The following DNAH14 variants were observed in gnomAD, a reference collection of about 807,000 sequenced individuals.
DNAH14 encodes the protein dynein axonemal heavy chain 14.
A neutral mutation model predicts 520.9 loss-of-function variants in DNAH14; 478 were observed. The ratio of observed to expected loss-of-function variants is 0.92; its 90% CI spans 0.85 to 0.99. The LOEUF is 0.99. Ranked by LOEUF, DNAH14 falls within the 50% of genes least tolerant of loss-of-function variation. The pLI, the probability that DNAH14 is intolerant of heterozygous loss-of-function variation, is 0.00. For synonymous variants in DNAH14, 1,581 were observed against 1,757.2 expected, an observed-to-expected ratio of 0.90 and a Z score of 2.51; for missense variants, 4,831 against 5,234.5, an observed-to-expected ratio of 0.92 and a Z score of 2.38.
At chr1:225,291,740 A>G (rs2093896911) in intron 55 of DNAH14, among the ~76,000 whole-genome samples, 1 of 151,866 alleles carries the variant, frequency 6.6e-6, no homozygotes, top group Admixed American at 6.6e-5. Flanking sequence ...ATCATTTGCT[A>G]TTTTTTGTCT....
In DNAH14 at chr1:225,207,051, T is replaced by C; in HGVS notation, c.6270T>C (p.Asp2090=). The C allele has an allele frequency of 6.5e-7, 1 of 1,550,320 alleles. No homozygotes were observed. The highest frequency in any genetic ancestry group is 1.2e-5 in the South Asian group (1 of 83,692). The change falls in exon 41 of 86, where the codon GAT becomes GAC. Residue 2090 remains aspartate, a synonymous_variant. Transcript: ENST00000682510. The part of the protein sequence containing the change: ...TSKIISQSGV[D]CLEFMIKNSV... Reference sequence around the variant, plus strand: ...AAATTATAAGTCAATCAGGAGTGGATTGTCTTGAATTCATGATTAAAAATA... The same window carrying C: ...AAATTATAAGTCAATCAGGAGTGGACTGTCTTGAATTCATGATTAAAAATA...
At position 225,266,520 on chromosome 1, in the gene DNAH14, T is replaced by C. The variant is rs2093125487; in HGVS notation, c.7411-121T>C. The C allele has an allele frequency of 5.0e-6, 3 of 600,722 alleles. No individual in the cohort carries two copies. In the East Asian group the frequency reaches 1.1e-4, roughly 21 times the overall value. 37.2% of individuals were successfully genotyped at this position (600,722 alleles called of 1,614,324 possible). ...TCAGACATGTTATTACATATGATTTTGTGCTTACTCCATAGCATAATATTC... is the reference window on the plus strand; with the variant it reads ...TCAGACATGTTATTACATATGATTTCGTGCTTACTCCATAGCATAATATTC... On this transcript the variant is annotated intron_variant, in intron 48 of 85. Coordinates refer to ENST00000682510, the MANE Select transcript of DNAH14 (RefSeq NM_001367479.1).
At chr1:225,132,576 C>T (rs2078538193) in intron 27 of DNAH14, among the ~76,000 whole-genome samples, 1 of 152,138 alleles carries the variant, frequency 6.6e-6, no homozygotes, top group African/African-American at 2.4e-5. Context: ...TTGTAGTATT[C>T]CATGATGTAT....
intron 41 of DNAH14, among the ~76,000 whole-genome samples, chr1:225,212,827 G>T (rs2088645996): frequency 6.6e-6 from 1 of 152,160 alleles, no homozygotes; most frequent in South Asian, 2.1e-4. Flanking sequence ...CAGAAGGGTA[G>T]ATTGTAAAAA....
At chr1:225,248,741 A>G (rs75179799) in intron 43 of DNAH14, among the ~76,000 whole-genome samples, 1 of 152,182 alleles carries the variant, frequency 6.6e-6, no homozygotes, top group Non-Finnish European at 1.5e-5. Context: ...AGGATCTGCA[A>G]TGACATAACA....
rs150776097 is a variant in DNAH14 at position 225,152,516 on chromosome 1, A to T, written c.5010-181A>T. On this transcript the variant is annotated intron_variant, in intron 32 of 85. Coordinates refer to ENST00000682510, the MANE Select transcript of DNAH14 (RefSeq NM_001367479.1). ...TTGTGGGAGGAGGAACAGGAAGAAA[A>T]TATGATAAACCAGGAAGCTCTGTAA... Among the ~76,000 whole-genome samples, 46 of 152,306 alleles carry T rather than the reference A, an allele frequency of 3.0e-4. No homozygotes were observed. The East Asian group carries it at 3.7e-3, about 12-fold the overall frequency.
intron 36 of DNAH14, among the ~76,000 whole-genome samples, chr1:225,174,409 T>C (rs1458501672): frequency 6.6e-6 from 1 of 152,168 alleles, no homozygotes; most frequent in Non-Finnish European, 1.5e-5. Context: ...TCTTTCACCT[T>C]CTAGGTATTT....
In DNAH14 at chr1:225,001,213, A is replaced by G. The variant is rs561814586; in HGVS notation, c.831-1570A>G. On this transcript the variant is annotated intron_variant, in intron 8 of 85. Coordinates refer to ENST00000682510, the MANE Select transcript of DNAH14 (RefSeq NM_001367479.1). ...AAGGAAACCCAGGGAACTTACCACC[A>G]TGTCATTTCTAGCCACCTTGCTTTT... 5.3e-5 allele frequency among the ~76,000 whole-genome samples: 8 copies of G among 151,972 alleles called. No individual in the cohort carries two copies. In the South Asian group the frequency reaches 6.2e-4, roughly 12 times the overall value.
chr1:224,985,515 G>A (rs59263273), intron 8 of DNAH14, among the ~76,000 whole-genome samples: 1,722 of 152,188 alleles, frequency 0.011, 21 homozygotes, highest in African/African-American at 0.039. Flanking sequence ...ATGGTGCAGT[G>A]TATACTGCTC....
At chr1:225,261,537 G>A (rs1350099611) in intron 46 of DNAH14, among the ~76,000 whole-genome samples, 1 of 151,882 alleles carries the variant, frequency 6.6e-6, no homozygotes, top group Non-Finnish European at 1.5e-5. Context: ...TATTGAATTT[G>A]GTTTTATTAG....
chr1:225,176,871 C>T (rs2083394538), intron 36 of DNAH14, among the ~76,000 whole-genome samples: 2 of 152,288 alleles, frequency 1.3e-5, no homozygotes, highest in Middle Eastern at 3.4e-3. Context: ...ATGTCTCTAT[C>T]AGCAGTATGA....
At chr1:224,998,633 A>T (rs767093514) in intron 8 of DNAH14, among the ~76,000 whole-genome samples, 3 of 150,806 alleles carry the variant, frequency 2.0e-5, no homozygotes, top group Non-Finnish European at 2.9e-5. Flanking sequence ...TTTGATTTTT[A>T]AAAAATGTGT....
chr1:225,337,016 T>C (rs2095071383), intron 66 of DNAH14, among the ~76,000 whole-genome samples: 1 of 152,222 alleles, frequency 6.6e-6, no homozygotes, highest in Non-Finnish European at 1.5e-5. Flanking sequence ...TTGTGTCCCC[T>C]ATGGCATCTT....
chr1:224,955,715 C>T (rs1043898806), intron 3 of DNAH14, among the ~76,000 whole-genome samples: 5 of 152,144 alleles, frequency 3.3e-5, no homozygotes, highest in Non-Finnish European at 5.9e-5. Flanking sequence ...TCTGGAGCTC[C>T]GCTTCTGCCA....
At chr1:225,375,402 C>A (rs2095685157) in intron 78 of DNAH14, among the ~76,000 whole-genome samples, 1 of 152,136 alleles carries the variant, frequency 6.6e-6, no homozygotes, top group Non-Finnish European at 1.5e-5. Flanking sequence ...AGACCTCTGA[C>A]CTTAGACTGT....
chr1:225,006,881 G>A (rs180701983), intron 9 of DNAH14, among the ~76,000 whole-genome samples: 3 of 151,656 alleles, frequency 2.0e-5, no homozygotes, highest in East Asian at 3.9e-4. Flanking sequence ...TTTGCGGCTC[G>A]GGGGCATCAC....
In DNAH14 at chr1:224,967,588, T is replaced by A. The variant is rs2061263761; in HGVS notation, c.651+5T>A. On this transcript the variant is annotated splice_donor_5th_base_variant and intron_variant, in intron 6 of 85. Transcript: ENST00000682510. ...ACTGCTTCATTTATCTCAAAGGTAA[T>A]GTTTAATGGATGTTTTAAGCTTTCA... The A allele has an allele frequency of 6.3e-7, 1 of 1,598,622 alleles. No homozygotes were observed. The highest frequency in any genetic ancestry group is 8.5e-7 in the Non-Finnish European group (1 of 1,175,472).
At chr1:225,167,805 G>A in intron 35 of DNAH14, 134 bp from the exon 36 acceptor site, 1 of 486,818 alleles carries the variant, frequency 2.1e-6, no homozygotes, top group Non-Finnish European at 3.6e-6. Flanking sequence ...GACAGAGGTT[G>A]GTGAACTAAA....
rs1354798258 is a variant in DNAH14 at position 224,949,310 on chromosome 1, G to T, written c.-33-3360G>T. Among the ~76,000 whole-genome samples, 7 of 151,984 alleles carry T rather than the reference G, an allele frequency of 4.6e-5. No homozygotes were observed. The South Asian group carries it at 6.2e-4, about 14-fold the overall frequency. On this transcript the variant is annotated intron_variant, in intron 1 of 85. Coordinates refer to ENST00000682510, the MANE Select transcript of DNAH14 (RefSeq NM_001367479.1). ...TGGCATTCTGCAGTTTCACTATGTTGGGTGTGTGTGCGTGTGTGTGCATGT... is the reference window on the plus strand; with the variant it reads ...TGGCATTCTGCAGTTTCACTATGTTTGGTGTGTGTGCGTGTGTGTGCATGT...
Sources: gnomAD v4.1 joint callset for allele counts (sites outside exome capture counted in the v4.1 genomes callset) on GRCh38, gnomAD v4.1.1 for gene constraint, MANE v1.5 for transcripts, NCBI Gene and HGNC (gene_info 2026-07-23, HGNC 2026-07-21) for gene names.